Variants in ERCC6L2 observed in about 807,000 individuals in gnomAD.
The protein encoded by ERCC6L2 is ERCC excision repair 6 like 2.
A neutral mutation model predicts 132.0 loss-of-function variants in ERCC6L2; 77 were observed. That is an observed-to-expected ratio of 0.58 (90% CI 0.49 to 0.71). The LOEUF (loss-of-function observed/expected upper bound fraction) is 0.71, where lower values mean the gene tolerates loss of function less well. Among genes scored for constraint, ERCC6L2 ranks in the 30% least tolerant of loss-of-function variants. ERCC6L2 has a pLI of 0.00. For missense variants in ERCC6L2, 1,542 were observed against 1,837.6 expected, an observed-to-expected ratio of 0.84 and a Z score of 2.94; for synonymous variants, 583 against 632.4, an observed-to-expected ratio of 0.92 and a Z score of 1.17.
intron 12 of ERCC6L2, chr9:95,954,584 G>A: frequency 2.9e-6 from 1 of 346,578 alleles, no homozygotes; most frequent in Non-Finnish European, 5.8e-6. Flanking sequence ...TGAAGTATAG[G>A]CGCACAGTAA....
intron 11 of ERCC6L2, among the ~76,000 whole-genome samples, chr9:95,933,815 T>C (rs1395874766): frequency 3.8e-5 from 5 of 133,316 alleles, no homozygotes; most frequent in African/African-American, 1.4e-4. Context: ...CTGCACTCCA[T>C]CCTGGACAAG....
chr9:95,894,979 C>T (rs1407933541), intron 2 of ERCC6L2, among the ~76,000 whole-genome samples: 1 of 152,080 alleles, frequency 6.6e-6, no homozygotes, highest in East Asian at 1.9e-4. Context: ...AGCAAATATT[C>T]GTTAGGTGAA....
At chr9:95,934,234 A>T (rs1198605067) in intron 11 of ERCC6L2, among the ~76,000 whole-genome samples, 1 of 152,188 alleles carries the variant, frequency 6.6e-6, no homozygotes, top group Non-Finnish European at 1.5e-5. Flanking sequence ...TGTCTTACAG[A>T]GTATTAAATA....
At chr9:95,922,472 A>G in intron 8 of ERCC6L2, 54 bp downstream of exon 8, 1 of 1,039,084 alleles carries the variant, frequency 9.6e-7, no homozygotes, top group Admixed American at 2.4e-5. Context: ...AATATTTTAT[A>G]AAGTTTTAAA....
rs1369450276 is a variant in ERCC6L2, at chr9:95,966,668, T to A, written c.2054T>A (p.Phe685Tyr). 2.0e-6 allele frequency: 3 copies of A among 1,520,218 alleles called. No individual in the cohort carries two copies. The Admixed American group carries it at 5.1e-5, about 26-fold the overall frequency. The allele number at this position is 1,520,218 out of a possible 1,614,324, so 94.2% of individuals were successfully genotyped here. A position where few individuals can be genotyped will look rare whatever the true frequency, so the allele number is the denominator to read the frequency against. ...GAGCTTTTTGGGATCCATAACCTCTTCAAATTTAGGTCCCAAGGGTCTTGT... is the reference window on the plus strand; with the variant it reads ...GAGCTTTTTGGGATCCATAACCTCTACAAATTTAGGTCCCAAGGGTCTTGT... The part of the protein sequence containing the change: ...QGELFGIHNL[F>Y]KFRSQGSCLT... Residue 685 changes from phenylalanine (F) to tyrosine (Y), a missense_variant, in exon 14 of 19, where the codon TTC becomes TAC. Phe to Tyr is a conservative substitution (Grantham distance 22). Coordinates refer to ENST00000653738, the MANE Select transcript of ERCC6L2 (RefSeq NM_020207.7).
At chr9:95,955,512 A>C (rs1158609417) in intron 12 of ERCC6L2, among the ~76,000 whole-genome samples, 1 of 150,906 alleles carries the variant, frequency 6.6e-6, no homozygotes, top group East Asian at 1.9e-4. Context: ...CCATCCCCTT[A>C]TCCCCAAGCA....
In ERCC6L2 at chr9:96,027,087, C is replaced by T. The variant is rs961228301; in HGVS notation, c.*1504-11789C>T. 6.1e-5 allele frequency among the ~76,000 whole-genome samples: 9 copies of T among 148,462 alleles called. 1 individual carries two copies. The highest frequency in any genetic ancestry group is 1.3e-4 in the Non-Finnish European group (9 of 66,778). ...CCACACACACCACATACCCCACACA[C>T]ATACCCACCACCCCACACACTACAC... is the stretch of plus-strand genomic sequence containing the variant. On this transcript the variant is annotated intron_variant and NMD_transcript_variant, in intron 19 of 20. Transcript: ENST00000670016.
At chr9:95,932,341 G>A (rs114802421) in intron 11 of ERCC6L2, among the ~76,000 whole-genome samples, 2,127 of 152,168 alleles carry the variant, frequency 0.014, 47 homozygotes, top group African/African-American at 0.049. Flanking sequence ...TGGGATTATA[G>A]GTGTGAGCCA....
At chr9:95,924,210 T>A (rs1224908696) in intron 9 of ERCC6L2, among the ~76,000 whole-genome samples, 2 of 152,146 alleles carry the variant, frequency 1.3e-5, no homozygotes, top group African/African-American at 4.8e-5. Flanking sequence ...GTTTTTTTTT[T>A]ATAGAAATAC....
chr9:95,897,726 C>G, intron 2 of ERCC6L2, 123 bp from the exon 3 acceptor site: 1 of 991,240 alleles, frequency 1.0e-6, no homozygotes, highest in Non-Finnish European at 1.5e-6. Context: ...ATTTCATGTT[C>G]TATTTCCCCC....
intron 2 of ERCC6L2, among the ~76,000 whole-genome samples, chr9:95,886,849 C>T (rs1339420910): frequency 1.3e-5 from 2 of 152,184 alleles, no homozygotes; most frequent in Non-Finnish European, 2.9e-5. Context: ...ACAGTCTTAT[C>T]AGCTGCCAGC....
chr9:96,024,771 T>C (rs544269640), intron 19 of ERCC6L2, among the ~76,000 whole-genome samples: 16 of 152,194 alleles, frequency 1.1e-4, no homozygotes, highest in Non-Finnish European at 2.1e-4. Context: ...TGGGTTATCC[T>C]TGGGCACCTC....
chr9:96,001,488 G>C (rs541670206), intron 17 of ERCC6L2, among the ~76,000 whole-genome samples: 2 of 152,138 alleles, frequency 1.3e-5, no homozygotes, highest in African/African-American at 4.8e-5. Context: ...CTAGCTACAG[G>C]GTGTCGATTG....
At chr9:95,924,883 G>A (rs1830036004) in intron 9 of ERCC6L2, among the ~76,000 whole-genome samples, 1 of 152,074 alleles carries the variant, frequency 6.6e-6, no homozygotes, top group African/African-American at 2.4e-5. Flanking sequence ...TTGTGAGAGA[G>A]CACCAGCCAA....
At chr9:95,967,985 C>T (rs1212879612) in intron 14 of ERCC6L2, 1 of 152,080 alleles carries the variant, frequency 6.6e-6, no homozygotes, top group Non-Finnish European at 1.5e-5. Flanking sequence ...GACATAGTTA[C>T]CTGTTTTTAT....
rs1441623700 is a variant in ERCC6L2, at chr9:95,916,252, G to C, written c.976G>C (p.Gly326Arg). The C allele has an allele frequency of 6.2e-7, 1 of 1,614,060 alleles. No individual in the cohort carries two copies. The highest frequency in any genetic ancestry group is 2.2e-5 in the East Asian group (1 of 44,868). Reference protein sequence around the residue: ...DWAVPGLLGSGTYFKKQFSDP... With the variant: ...DWAVPGLLGSRTYFKKQFSDP... Reference sequence around the variant, plus strand: ...GGCTGTGCCAGGCCTTTTAGGGAGTGGGACCTACTTCAAGAAGCAGTTTTC... The same window carrying C: ...GGCTGTGCCAGGCCTTTTAGGGAGTCGGACCTACTTCAAGAAGCAGTTTTC... Residue 326 changes from glycine (G) to arginine (R), a missense_variant, in exon 6 of 19, where the codon GGG becomes CGG. Transcript: ENST00000653738.
At chr9:95,937,679 G>GT (rs758106788) in intron 11 of ERCC6L2, among the ~76,000 whole-genome samples, 2 of 151,658 alleles carry the variant, frequency 1.3e-5, no homozygotes, top group Admixed American at 6.6e-5. Context: ...AGGATCTGTG[G>GT]TGATATCCCT....
intron 17 of ERCC6L2, among the ~76,000 whole-genome samples, chr9:95,990,997 C>T (rs577295374): frequency 9.9e-5 from 15 of 152,264 alleles, no homozygotes; most frequent in African/African-American, 3.6e-4. Context: ...CCATCTCCAG[C>T]CAGGCCCCTC....
At chr9:95,916,746 G>A (rs953456156) in intron 6 of ERCC6L2, among the ~76,000 whole-genome samples, 12 of 150,098 alleles carry the variant, frequency 8.0e-5, no homozygotes, top group Admixed American at 7.3e-4. Context: ...GCAGTGGCGC[G>A]ATCTTGGCTC....
Sources: gnomAD v4.1 joint callset for allele counts (sites outside exome capture counted in the v4.1 genomes callset) on GRCh38, gnomAD v4.1.1 for gene constraint, MANE v1.5 for transcripts, NCBI Gene and HGNC (gene_info 2026-07-23, HGNC 2026-07-21) for gene names.